Variants in RBBP4 observed in about 807,000 individuals in gnomAD.
RBBP4 encodes RB binding protein 4, chromatin remodeling factor, also known as histone-binding protein RBBP4.
In RBBP4, 3 loss-of-function variants were observed where a neutral mutation model predicts 57.2. The observed-to-expected ratio is 0.05, with a 90% confidence interval of 0.02 to 0.14. RBBP4 has a LOEUF of 0.14. Among genes scored for constraint, RBBP4 ranks in the 10% least tolerant of loss-of-function variants. The pLI, the probability that RBBP4 is intolerant of heterozygous loss-of-function variation, is 1.00. For synonymous variants in RBBP4, 151 were observed against 171.5 expected, an observed-to-expected ratio of 0.88 and a Z score of 0.93; for missense variants, 107 against 520.6, an observed-to-expected ratio of 0.21 and a Z score of 7.73.
At position 32,657,583 on chromosome 1, in the gene RBBP4, T is replaced by A; in HGVS notation, c.310+11T>A. Reference sequence around the variant, plus strand: ...ACAGTGAGAAAGGAGGTAGGAATCTTAAAGGTGAAAGAAGTAAAGATGTGT... The same window carrying A: ...ACAGTGAGAAAGGAGGTAGGAATCTAAAAGGTGAAAGAAGTAAAGATGTGT... On this transcript the variant is annotated intron_variant, in intron 3 of 11. Coordinates refer to ENST00000373493, the MANE Select transcript of RBBP4 (RefSeq NM_005610.3). The A allele has an allele frequency of 6.2e-7, 1 of 1,612,854 alleles. No individual in the cohort carries two copies. The highest frequency in any genetic ancestry group is 1.1e-5 in the South Asian group (1 of 90,920).
chr1:32,666,849 C>A (rs549968649), intron 3 of RBBP4, among the ~76,000 whole-genome samples: 1 of 152,242 alleles, frequency 6.6e-6, no homozygotes, highest in African/African-American at 2.4e-5. Context: ...TATTAATCAT[C>A]AACTTTTAAT....
intron 3 of RBBP4, among the ~76,000 whole-genome samples, chr1:32,658,347 TAG>T (rs1648234511): frequency 8.2e-6 from 1 of 121,746 alleles, no homozygotes; most frequent in South Asian, 3.0e-4. Flanking sequence ...AAAGAGTTCT[TAG>T]AGGAGCAATA....
At chr1:32,677,955 A>G (rs977523696) in intron 11 of RBBP4, among the ~76,000 whole-genome samples, 1 of 152,178 alleles carries the variant, frequency 6.6e-6, no homozygotes, top group Non-Finnish European at 1.5e-5. Flanking sequence ...GCCGTTGGAT[A>G]CAGGTATTCT....
Position 32,672,811 on chromosome 1 carries a change from T to G in RBBP4, c.1122T>G (p.Thr374=), listed in dbSNP as rs1260604044. Residue 374 remains threonine (T), a synonymous_variant, in exon 11 of 12, where the codon ACT becomes ACG. Transcript: ENST00000373493. ...TTCAGTTTATTCATGGTGGTCATAC[T>G]GCCAAGATATCTGATTTCTCCTGGA... ...PELLFIHGGH[T]AKISDFSWNP... 1.9e-6 allele frequency: 3 copies of G among 1,613,644 alleles called. No homozygotes were observed. Among genetic ancestry groups the G allele is most frequent in the Non-Finnish European group, 2.5e-6 (3 of 1,179,518 alleles).
chr1:32,652,346 T>C, intron 2 of RBBP4: 1 of 288,928 alleles, frequency 3.5e-6, no homozygotes, highest in Non-Finnish European at 6.6e-6. Flanking sequence ...AGTACAAAAC[T>C]TGTCAACTTT....
At chr1:32,651,447 A>G in intron 1 of RBBP4, 125 bp downstream of exon 1, 16 of 1,366,224 alleles carry the variant, frequency 1.2e-5, no homozygotes, top group Non-Finnish European at 1.5e-5. Context: ...TGAAGGCGTG[A>G]AGAGGGAACT....
Position 32,680,512 on chromosome 1 carries a change from C to G in RBBP4, c.*807C>G, listed in dbSNP as rs1570882396. The G allele has an allele frequency of 1.3e-6, 1 of 767,736 alleles. No homozygotes were observed. Among genetic ancestry groups the G allele is most frequent in the East Asian group, 5.3e-5 (1 of 18,856 alleles). The allele number at this position is 767,736 out of a possible 1,614,324, so 47.6% of individuals were successfully genotyped here. On this transcript the variant is annotated 3_prime_UTR_variant, in exon 12 of 12. Coordinates refer to ENST00000373493, the MANE Select transcript of RBBP4 (RefSeq NM_005610.3). The stretch of plus-strand genomic sequence containing the variant: ...TTAAATTAATCCTTGATAAGAGTTG[C>G]TTTTTTTTTTTAGGAGTTAGTCCTT...
intron 5 of RBBP4, 43 bp from the exon 6 acceptor site, chr1:32,668,929 G>A (rs1648761322): frequency 6.2e-7 from 1 of 1,613,026 alleles, no homozygotes; most frequent in Non-Finnish European, 8.5e-7. Flanking sequence ...GTGTGGGGAG[G>A]TGAGAATCTT....
chr1:32,667,369 C>G (rs1354414823), intron 3 of RBBP4, among the ~76,000 whole-genome samples: 2 of 152,216 alleles, frequency 1.3e-5, no homozygotes, highest in East Asian at 1.9e-4. Flanking sequence ...CTTCAGCTGC[C>G]TGAAAGGGAA....
chr1:32,681,896 C>T lies in RBBP4; in HGVS notation c.*2191C>T. 1.3e-6 allele frequency: 2 copies of T among 1,586,822 alleles called. No homozygotes were observed. Among genetic ancestry groups the T allele is most frequent in the Non-Finnish European group, 8.7e-7 (1 of 1,155,404 alleles). On this transcript the variant is annotated 3_prime_UTR_variant, in exon 12 of 12. Coordinates refer to ENST00000373493, the MANE Select transcript of RBBP4 (RefSeq NM_005610.3). ...GAAAGAAAAAGTTTATAACAGTGAA[C>T]TTCTGAGGTTTAGTTACTGCAGGCT...
At chr1:32,675,925 T>C (rs984209999) in intron 11 of RBBP4, among the ~76,000 whole-genome samples, 1 of 150,938 alleles carries the variant, frequency 6.6e-6, no homozygotes, top group African/African-American at 2.4e-5. Flanking sequence ...ACCGTGTCTC[T>C]ACCAAAAAAA....
In RBBP4 at chr1:32,651,256, GC is replaced by G; in HGVS notation, c.-47del. 1.3e-6 allele frequency: 2 copies of G among 1,505,598 alleles called. No individual in the cohort carries two copies. The highest frequency in any genetic ancestry group is 1.8e-6 in the Non-Finnish European group (2 of 1,127,314). 93.3% of individuals were successfully genotyped at this position (1,505,598 alleles called of 1,614,324 possible). A position where few individuals can be genotyped will look rare whatever the true frequency, so the allele number is the denominator to read the frequency against. On this transcript the variant is annotated 5_prime_UTR_variant, in exon 1 of 12. Transcript: ENST00000373493. ...CAGAGCGAGCTCTTGCAGCCTCCCC[GC>G]CCCTCCCGCAACGCTCGACCCCAGG...
intron 2 of RBBP4, among the ~76,000 whole-genome samples, chr1:32,653,644 T>TGG: frequency 4.5e-5 from 1 of 22,462 alleles, no homozygotes; most frequent in Non-Finnish European, 1.4e-4. Flanking sequence ...CTGGTTTTTT[T>TGG]TTTTTTTTTT....
intron 3 of RBBP4, among the ~76,000 whole-genome samples, chr1:32,658,361 T>TG (rs71654734): frequency 7.0e-6 from 1 of 142,036 alleles, no homozygotes; most frequent in African/African-American, 2.6e-5. Context: ...GGAGCAATAG[T>TG]AAAAAAAAAA....
rs1360555471 is a variant in RBBP4, at chr1:32,682,305, C to G, written c.*2600C>G. On this transcript the variant is annotated 3_prime_UTR_variant, in exon 12 of 12. Transcript: ENST00000373493. ...GTGTGATGGCTTATGCCTGTAATCC[C>G]AGCTACTTAGCAGGCTGAGGCAGGA... 6.3e-6 allele frequency: 1 copy of G among 159,180 alleles called. No individual in the cohort carries two copies. The highest frequency in any genetic ancestry group is 2.4e-5 in the African/African-American group (1 of 41,472). The allele number at this position is 159,180 out of a possible 1,614,324, so 9.9% of individuals were successfully genotyped here. A position where few individuals can be genotyped will look rare whatever the true frequency, so the allele number is the denominator to read the frequency against.
In RBBP4 at chr1:32,668,770, T is replaced by C; in HGVS notation, c.516T>C (p.Arg172=). The part of the protein sequence containing the change: ...DPSGECNPDL[R]LRGHQKEGYG... ...CTGGAGAGTGCAACCCAGACTTGCG[T>C]CTCCGTGGACATCAGAAGGAAGGCT... is the stretch of plus-strand genomic sequence containing the variant. The change falls in exon 5 of 12, where the codon CGT becomes CGC. Residue 172 remains arginine, a synonymous_variant. Coordinates refer to ENST00000373493, the MANE Select transcript of RBBP4 (RefSeq NM_005610.3). The C allele has an allele frequency of 6.2e-7, 1 of 1,613,394 alleles. No homozygotes were observed. The highest frequency in any genetic ancestry group is 8.5e-7 in the Non-Finnish European group (1 of 1,180,010).
At chr1:32,672,297 C>A (rs1469646123) in intron 8 of RBBP4, among the ~76,000 whole-genome samples, 153 bp from the exon 9 acceptor site, 1 of 152,104 alleles carries the variant, frequency 6.6e-6, no homozygotes, top group East Asian at 1.9e-4. Context: ...AAAATAAATT[C>A]TTTAGCTCTT....
rs929031937 is a variant in RBBP4 at position 32,684,161 on chromosome 1, CTT to C, written c.*4460_*4461del. 1.2e-6 allele frequency: 2 copies of C among 1,605,996 alleles called. No homozygotes were observed. The highest frequency in any genetic ancestry group is 2.7e-5 in the African/African-American group (2 of 74,454). On this transcript the variant is annotated 3_prime_UTR_variant, in exon 12 of 12. Transcript: ENST00000373493. ...ATTTGAAAATCATTTCCCAAATCCT[CTT>C]TTTGTTTTTGATTCTAAGGTAAAAT...
chr1:32,664,158 GAA>G (rs1648548583), intron 3 of RBBP4, among the ~76,000 whole-genome samples: 1 of 152,082 alleles, frequency 6.6e-6, no homozygotes, highest in Non-Finnish European at 1.5e-5. Flanking sequence ...TTGATCTCCT[GAA>G]CCCTGTCAAA....
Sources: allele counts gnomAD v4.1 joint callset (sites outside exome capture counted in the v4.1 genomes callset), GRCh38; gene constraint gnomAD v4.1.1; transcripts MANE v1.5; gene names NCBI Gene and HGNC (gene_info 2026-07-23, HGNC 2026-07-21).